The following HSPG2 variants were observed in gnomAD, a reference collection of about 807,000 sequenced individuals.
HSPG2 encodes the protein basement membrane-specific heparan sulfate proteoglycan core protein.
HSPG2 carries 278 observed loss-of-function variants against 526.6 expected under a neutral mutation model. The observed-to-expected ratio is 0.53, with a 90% CI of 0.48 to 0.58. The LOEUF is 0.58. HSPG2 is among the 20% of genes least tolerant of loss of function. The pLI is 0.00. For synonymous variants in HSPG2, 2,465 were observed against 2,555.4 expected, an observed-to-expected ratio of 0.96 and a Z score of 1.07; for missense variants, 5,354 against 6,099.5, an observed-to-expected ratio of 0.88 and a Z score of 4.07.
intron 42 of HSPG2, 35 bp from the exon 43 acceptor site, chr1:21,857,420 C>T: frequency 1.3e-6 from 2 of 1,587,050 alleles, no homozygotes; most frequent in Non-Finnish European, 1.7e-6. Context: ...TGAGCCGGTG[C>T]TGGCTAGGCC....
rs752732107 is a variant in HSPG2 at position 21,842,158 on chromosome 1, C to A, written c.9053-16G>T. 7.4e-5 allele frequency: 120 copies of A among 1,613,448 alleles called. No homozygotes were observed. The highest frequency in any genetic ancestry group is 9.8e-5 in the Non-Finnish European group (116 of 1,179,932). ...CTCCTAAGGCCTGGGGCCAAAGGGG[C>A]AGAGGGCTGGGCTCAGCAGGGGTGG... is the stretch of plus-strand genomic sequence containing the variant. On this transcript the variant is annotated splice_polypyrimidine_tract_variant and intron_variant, in intron 68 of 96. Transcript: ENST00000374695.
At chr1:21,910,208 G>A (rs948902638) in intron 1 of HSPG2, among the ~76,000 whole-genome samples, 3 of 152,204 alleles carry the variant, frequency 2.0e-5, no homozygotes, top group African/African-American at 7.2e-5. Flanking sequence ...GGCTGCACGG[G>A]GTATTTAAAG....
In HSPG2 at chr1:21,906,005, G is replaced by A. The variant is rs375512563; in HGVS notation, c.64-9695C>T. Among the ~76,000 whole-genome samples, 32 of 152,328 alleles carry A rather than the reference G, an allele frequency of 2.1e-4. No individual in the cohort carries two copies. The East Asian group carries it at 3.3e-3, about 16-fold the overall frequency. Reference sequence around the variant, plus strand: ...AGTCCGGATAAAAGAGTGAGACCCTGTCTCTAAAAACAATTAATTAGTTAA... The same window carrying A: ...AGTCCGGATAAAAGAGTGAGACCCTATCTCTAAAAACAATTAATTAGTTAA... On this transcript the variant is annotated intron_variant, in intron 1 of 96. Transcript: ENST00000374695.
At chr1:21,933,193 C>T (rs1312476063) in intron 1 of HSPG2, among the ~76,000 whole-genome samples, 1 of 150,376 alleles carries the variant, frequency 6.6e-6, no homozygotes, top group Non-Finnish European at 1.5e-5. Flanking sequence ...GCACTCCAGC[C>T]TGGGTGACAG....
chr1:21,852,134 T>C lies in HSPG2; in HGVS notation c.6824A>G (p.Gln2275Arg). Residue 2275 changes from glutamine to arginine, a missense_variant, in exon 53 of 97, where the codon CAG becomes CGG. Physicochemically the swap from Gln to Arg is conservative, Grantham distance 43 (BLOSUM62 1). Coordinates refer to ENST00000374695, the MANE Select transcript of HSPG2 (RefSeq NM_005529.7). ...GCCCCCACGCTTGTACCATGTGACC[T>C]GGGCGTGGGCCTGCCCTGCCACCAC... ...SCVVAGQAHA[Q>R]VTWYKRGGSL... 6.2e-7 allele frequency: 1 copy of C among 1,613,808 alleles called. No homozygotes were observed. The highest frequency in any genetic ancestry group is 1.3e-5 in the African/African-American group (1 of 75,046).
rs765360167 is a variant in HSPG2 at position 21,865,409 on chromosome 1, C to G, written c.4315-44G>C. ...GATTGGAAGGGGAGCCGAGGGGTCC[C>G]TGGGGTGCCAGGGTGTCCTCCACCA... is the stretch of plus-strand genomic sequence containing the variant. On this transcript the variant is annotated intron_variant, in intron 34 of 96. Transcript: ENST00000374695. This position sits in a 1 kb window ranked among gnomAD's most constrained non-coding sequence, Gnocchi z 5.4. The G allele has an allele frequency of 6.3e-7, 1 of 1,586,316 alleles. No individual in the cohort carries two copies. Among genetic ancestry groups the G allele is most frequent in the South Asian group, 1.1e-5 (1 of 90,494 alleles).
chr1:21,863,327 G>T (rs1182663803), intron 37 of HSPG2, among the ~76,000 whole-genome samples: 14 of 146,680 alleles, frequency 9.5e-5, no homozygotes, highest in South Asian at 6.6e-4. Context: ...GAGCCCAGAT[G>T]GCGCCACTGC....
Position 21,822,369 on chromosome 1 carries a change from G to A in HSPG2, c.*947C>T, listed in dbSNP as rs976569207. 35 of 733,790 alleles carry A rather than the reference G, an allele frequency of 4.8e-5. No individual in the cohort carries two copies. The highest frequency in any genetic ancestry group is 2.1e-5 in the Non-Finnish European group (9 of 426,378). 45.5% of individuals were successfully genotyped at this position (733,790 alleles called of 1,614,324 possible). On this transcript the variant is annotated 3_prime_UTR_variant, in exon 97 of 97. Coordinates refer to ENST00000374695, the MANE Select transcript of HSPG2 (RefSeq NM_005529.7). ...GGGCCACTGGCAGGATGGCACTTGA[G>A]CTGGATCTTCAGGCTCCTGCAGATG... is the stretch of plus-strand genomic sequence containing the variant.
rs370378231 is a variant in HSPG2, at chr1:21,880,752, G to A, written c.1902C>T (p.Asp634=). ...RGMLEPVQRP[D]VVLMGAGYRL... ...GGTACCCGGCACCCATGAGGACCAC[G>A]TCCGGCCGCTGCACTGGCTCCAGCA... The change falls in exon 15 of 97, where the codon GAC becomes GAT. Residue 634 remains aspartate, a synonymous_variant. Coordinates refer to ENST00000374695, the MANE Select transcript of HSPG2 (RefSeq NM_005529.7). 1.6e-5 allele frequency: 26 copies of A among 1,600,232 alleles called. No individual in the cohort carries two copies. The highest frequency in any genetic ancestry group is 1.5e-4 in the African/African-American group (11 of 74,870).
chr1:21,879,476 A>G (rs764043443), intron 17 of HSPG2, among the ~76,000 whole-genome samples: 9 of 152,144 alleles, frequency 5.9e-5, no homozygotes, highest in Non-Finnish European at 1.0e-4. Flanking sequence ...TTCTTCTGTC[A>G]GCTCCACAAT....
At chr1:21,826,983 G>A (rs562511335) in intron 91 of HSPG2, among the ~76,000 whole-genome samples, 3 of 152,110 alleles carry the variant, frequency 2.0e-5, no homozygotes, top group East Asian at 3.9e-4. Context: ...CAAGGGGGGC[G>A]GATCACCTGA....
At chr1:21,841,463 T>A (rs1200177051) in intron 70 of HSPG2, 76 bp downstream of exon 70, 1 of 1,599,352 alleles carries the variant, frequency 6.3e-7, no homozygotes, top group Non-Finnish European at 8.6e-7. Context: ...GGAAGGAGGA[T>A]TTAAACTTGG....
Position 21,855,512 on chromosome 1 carries a change from C to G in HSPG2, c.5854+11G>C. On this transcript the variant is annotated intron_variant, in intron 46 of 96. Coordinates refer to ENST00000374695, the MANE Select transcript of HSPG2 (RefSeq NM_005529.7). ...ACACTCCCGGCCCCCACCCTGAGCC[C>G]GGCCTCTCACCATGCACGTGGAGCA... is the stretch of plus-strand genomic sequence containing the variant. 1.2e-6 allele frequency: 2 copies of G among 1,610,356 alleles called. No homozygotes were observed. The highest frequency in any genetic ancestry group is 1.7e-6 in the Non-Finnish European group (2 of 1,179,114).
intron 47 of HSPG2, 129 bp from the exon 48 acceptor site, chr1:21,855,112 G>A (rs1163488909): frequency 5.1e-6 from 7 of 1,375,626 alleles, no homozygotes; most frequent in East Asian, 2.4e-5. Context: ...GCATGAAGGA[G>A]GACAAACGCC....
At position 21,850,177 on chromosome 1, in the gene HSPG2, G is replaced by A. The variant is rs1045091075; in HGVS notation, c.7310C>T (p.Pro2437Leu). 100 of 1,613,254 alleles carry A rather than the reference G, an allele frequency of 6.2e-5. No homozygotes were observed. The highest frequency in any genetic ancestry group is 7.5e-5 in the Non-Finnish European group (88 of 1,180,048). Residue 2437 changes from proline (P) to leucine (L), a missense_variant, in exon 57 of 97, where the codon CCC becomes CTC. Pro to Leu is a moderately conservative substitution (Grantham distance 98). Coordinates refer to ENST00000374695, the MANE Select transcript of HSPG2 (RefSeq NM_005529.7). The part of the protein sequence containing the change: ...AGSVPALGVT[P>L]TVRIESSSSQ... Reference sequence around the variant, plus strand: ...AGACGATGACTCGATCCGGACCGTGGGGGTGACCCCAAGTGCTGGGGACAG... The same window carrying A: ...AGACGATGACTCGATCCGGACCGTGAGGGTGACCCCAAGTGCTGGGGACAG...
intron 1 of HSPG2, among the ~76,000 whole-genome samples, chr1:21,917,267 T>C (rs1201499424): frequency 1.3e-5 from 2 of 151,584 alleles, no homozygotes. Context: ...ACCCCGTCTC[T>C]ATGAAAAATA....
chr1:21,926,816 C>A (rs1400799035), intron 1 of HSPG2, among the ~76,000 whole-genome samples: 1 of 150,428 alleles, frequency 6.6e-6, no homozygotes, highest in African/African-American at 2.5e-5. Flanking sequence ...AGAGTAGAGG[C>A]CACTAGGGCT....
At position 21,904,443 on chromosome 1, in the gene HSPG2, G is replaced by A. The variant is rs757858746; in HGVS notation, c.64-8133C>T. On this transcript the variant is annotated intron_variant, in intron 1 of 96. Coordinates refer to ENST00000374695, the MANE Select transcript of HSPG2 (RefSeq NM_005529.7). This position sits in a 1 kb window ranked among gnomAD's most constrained non-coding sequence, Gnocchi z 4.4. ...TGGCAGAGGAGTCAAAGGGCGGCAC[G>A]AGTGGGCTTTTCCATTTAAAAGGGC... is the stretch of plus-strand genomic sequence containing the variant. 3.9e-5 allele frequency among the ~76,000 whole-genome samples: 6 copies of A among 152,170 alleles called. No individual in the cohort carries two copies. Among genetic ancestry groups the A allele is most frequent in the Non-Finnish European group, 5.9e-5 (4 of 68,020 alleles).
At position 21,874,532 on chromosome 1, in the gene HSPG2, C is replaced by T. The variant is rs1452524530; in HGVS notation, c.3530G>A (p.Gly1177Asp). Residue 1177 changes from glycine (G) to aspartate (D), a missense_variant and splice_region_variant, in exon 28 of 97, where the codon GGC (glycine) becomes GAC (aspartate). Gly to Asp is a moderately conservative substitution (Grantham distance 94). Transcript: ENST00000374695. ...AGGGCCCTCCGTGTGATGCTGGCAGCCCTGGAGGAGCAGGATGTGAGTTGA... is the reference window on the plus strand; with the variant it reads ...AGGGCCCTCCGTGTGATGCTGGCAGTCCTGGAGGAGCAGGATGTGAGTTGA... ...ACEPETGACQ[G>D]CQHHTEGPRC... 1.2e-6 allele frequency: 2 copies of T among 1,613,686 alleles called. No individual in the cohort carries two copies. The highest frequency in any genetic ancestry group is 1.1e-5 in the South Asian group (1 of 91,056).
Sources: gnomAD v4.1 joint callset for allele counts (sites outside exome capture counted in the v4.1 genomes callset) on GRCh38, gnomAD v4.1.1 for gene constraint, Gnocchi (gnomAD v3.1) non-coding constraint, MANE v1.5 for transcripts, NCBI Gene and HGNC (gene_info 2026-07-23, HGNC 2026-07-21) for gene names.